IRS1: variants seen among roughly 807,000 people sequenced by gnomAD.
The protein encoded by IRS1 is insulin receptor substrate 1.
IRS1 carries 34 observed loss-of-function variants against 65.6 expected under a neutral mutation model. The observed-to-expected ratio is 0.52, with a 90% CI of 0.39 to 0.69. IRS1 has a LOEUF of 0.69. IRS1 is among the 30% of genes least tolerant of loss of function. The probability of loss-of-function intolerance (pLI) is 0.00; values close to 1 mark genes in which losing one functional copy is unlikely to be tolerated. For synonymous variants in IRS1, 699 were observed against 683.5 expected, an observed-to-expected ratio of 1.02 and a Z score of -0.35; for missense variants, 1,641 against 1,720.2, an observed-to-expected ratio of 0.95 and a Z score of 0.81.
Position 226,797,203 on chromosome 2 carries a change from G to C in IRS1, c.1536C>G (p.Ala512=). ...TSPALAGDEA[A]SAADLDNRFR... ...ACCGATTATCCAGATCTGCAGCACT[G>C]GCTGCTTCATCCCCAGCCAAGGCTG... The change falls in exon 1 of 2, where the codon GCC becomes GCG. Residue 512 remains alanine, a synonymous_variant. Transcript: ENST00000305123. This position sits in a 1 kb window ranked among gnomAD's most constrained non-coding sequence, Gnocchi z 8.1. 1 of 1,613,804 alleles carries C rather than the reference G, an allele frequency of 6.2e-7. No individual in the cohort carries two copies. Among genetic ancestry groups the C allele is most frequent in the Non-Finnish European group, 8.5e-7 (1 of 1,180,012 alleles).
intron 1 of IRS1, among the ~76,000 whole-genome samples, chr2:226,754,800 C>T (rs1396129424): frequency 2.0e-5 from 3 of 152,194 alleles, no homozygotes; most frequent in Non-Finnish European, 4.4e-5. Flanking sequence ...CAACATTTCA[C>T]TTAATAGGCA....
intron 1 of IRS1, among the ~76,000 whole-genome samples, chr2:226,791,085 C>A (rs542239167): frequency 6.6e-6 from 1 of 152,152 alleles, no homozygotes; most frequent in Non-Finnish European, 1.5e-5. Flanking sequence ...CAGGAGGATG[C>A]GTTTTCCCAG....
In IRS1 at chr2:226,796,021, A is replaced by T; in HGVS notation, c.2718T>A (p.Ser906=). The T allele has an allele frequency of 1.9e-6, 3 of 1,614,182 alleles. No homozygotes were observed. The highest frequency in any genetic ancestry group is 2.5e-6 in the Non-Finnish European group (3 of 1,180,048). The change falls in exon 1 of 2, where the codon TCT becomes TCA. Residue 906 remains serine (S), a synonymous_variant. Transcript: ENST00000305123. The part of the protein sequence containing the change: ...YVNIEFGSDQ[S]GYLSGPVAFH... Reference sequence around the variant, plus strand: ...AAGCCACCGGGCCAGACAAGTAGCCAGACTGATCACTCCCAAATTCAATAT... The same window carrying T: ...AAGCCACCGGGCCAGACAAGTAGCCTGACTGATCACTCCCAAATTCAATAT...
At chr2:226,788,427 A>G (rs1037641158) in intron 1 of IRS1, among the ~76,000 whole-genome samples, 1 of 152,198 alleles carries the variant, frequency 6.6e-6, no homozygotes, top group African/African-American at 2.4e-5. Context: ...TCTTTTTCAA[A>G]GCTCTATTAT....
Position 226,797,743 on chromosome 2 carries a change from G to C in IRS1, c.996C>G (p.Gly332=). The change falls in exon 1 of 2, where the codon GGC becomes GGG. Residue 332 remains glycine, a synonymous_variant. Coordinates refer to ENST00000305123, the MANE Select transcript of IRS1 (RefSeq NM_005544.3). This position sits in a 1 kb window ranked among gnomAD's most constrained non-coding sequence, Gnocchi z 8.1. ...GSFRVRASSD[G]EGTMSRPASV... Reference sequence around the variant, plus strand: ...AGGCTGGGCGGGACATGGTGCCTTCGCCGTCACTGGAGGCGCGGACACGGA... The same window carrying C: ...AGGCTGGGCGGGACATGGTGCCTTCCCCGTCACTGGAGGCGCGGACACGGA... The C allele has an allele frequency of 6.3e-7, 1 of 1,596,198 alleles. No homozygotes were observed.
intron 1 of IRS1, among the ~76,000 whole-genome samples, chr2:226,768,645 G>A (rs1939101900): frequency 6.6e-6 from 1 of 152,096 alleles, no homozygotes; most frequent in African/African-American, 2.4e-5. Flanking sequence ...GGTTCTGGCT[G>A]TTACTAAACC....
chr2:226,738,011 T>A (rs1938363849), intron 1 of IRS1, among the ~76,000 whole-genome samples: 1 of 152,092 alleles, frequency 6.6e-6, no homozygotes, highest in Admixed American at 6.5e-5. Context: ...CCCCAAGATA[T>A]CTAAGGAGGG....
chr2:226,758,482 T>A (rs1344218142), intron 1 of IRS1, among the ~76,000 whole-genome samples: 2 of 152,150 alleles, frequency 1.3e-5, no homozygotes, highest in Non-Finnish European at 2.9e-5. Context: ...CAATATACAG[T>A]TGAATATCAG....
At chr2:226,792,034 G>C (rs1939622370) in intron 1 of IRS1, 1 of 152,450 alleles carries the variant, frequency 6.6e-6, no homozygotes. Flanking sequence ...CAGGGCTGGG[G>C]AAAGGGGAGG....
At position 226,796,061 on chromosome 2, in the gene IRS1, G is replaced by C; in HGVS notation, c.2678C>G (p.Pro893Arg). 1 of 1,613,972 alleles carries C rather than the reference G, an allele frequency of 6.2e-7. No homozygotes were observed. The highest frequency in any genetic ancestry group is 1.1e-5 in the South Asian group (1 of 91,080). The change falls in exon 1 of 2, where the codon CCG (proline) becomes CGG (arginine). Residue 893 changes from proline to arginine, a missense_variant. Pro to Arg is a moderately radical substitution (Grantham distance 103). This residue lies in a region of IRS1 where 1,324 missense variants were observed against 1,361.0 expected (regional missense o/e 0.97). Coordinates refer to ENST00000305123, the MANE Select transcript of IRS1 (RefSeq NM_005544.3). Reference protein sequence around the residue: ...PLLHPPEPKSPGEYVNIEFGS... With the variant: ...PLLHPPEPKSRGEYVNIEFGS... ...AAATTCAATATTGACATATTCCCCC[G>C]GGCTCTTGGGCTCTGGAGGGTGCAG...
chr2:226,766,138 TA>T (rs1559151916), intron 1 of IRS1, among the ~76,000 whole-genome samples: 113 of 4,000 alleles, frequency 0.028, 9 homozygotes, highest in East Asian at 0.091. Flanking sequence ...TATATATATA[TA>T]TATATATATA....
Position 226,796,399 on chromosome 2 carries a change from C to T in IRS1, c.2340G>A (p.Pro780=), listed in dbSNP as rs151052373. 4.0e-3 allele frequency: 6,396 copies of T among 1,613,386 alleles called. 28 individuals carry two copies. The highest frequency in any genetic ancestry group is 4.8e-3 in the Non-Finnish European group (5,631 of 1,180,038). ...SFKHTQRPGE[P]EEGARHQHLR... ...GGTGCTGATGCCGGGCACCCTCCTC[C>T]GGCTCCCCGGGGCGCTGGGTGTGCT... The change falls in exon 1 of 2, where the codon CCG becomes CCA. Residue 780 remains proline (P), a synonymous_variant. Coordinates refer to ENST00000305123, the MANE Select transcript of IRS1 (RefSeq NM_005544.3).
At chr2:226,786,203 T>C (rs1397206320) in intron 1 of IRS1, among the ~76,000 whole-genome samples, 1 of 151,002 alleles carries the variant, frequency 6.6e-6, no homozygotes, top group Non-Finnish European at 1.5e-5. Context: ...GCAGTAAACA[T>C]ACGTGTGCGT....
At chr2:226,758,406 C>T (rs1024963751) in intron 1 of IRS1, among the ~76,000 whole-genome samples, 4 of 152,072 alleles carry the variant, frequency 2.6e-5, no homozygotes, top group Non-Finnish European at 4.4e-5. Context: ...AAGTGAAAAT[C>T]GAATACCTTT....
At chr2:226,766,133 A>T (rs1173256083) in intron 1 of IRS1, among the ~76,000 whole-genome samples, 2 of 3,068 alleles carry the variant, frequency 6.5e-4, no homozygotes, top group Non-Finnish European at 1.8e-3. Context: ...ATATATATAT[A>T]TATATATATA....
chr2:226,790,956 C>T (rs1224083183), intron 1 of IRS1, among the ~76,000 whole-genome samples: 1 of 152,148 alleles, frequency 6.6e-6, no homozygotes, highest in African/African-American at 2.4e-5. Flanking sequence ...TCTGAGAACG[C>T]CACAGCATTT....
chr2:226,795,787 G>C lies in IRS1; in HGVS notation c.2952C>G (p.Ser984Arg), dbSNP rs761036006. The change falls in exon 1 of 2, where the codon AGC (serine) becomes AGG (arginine). Residue 984 changes from serine to arginine, a missense_variant. Transcript: ENST00000305123. ...GCATGGTCATGTAGTCACCCCGGCT[G>C]CTGGGCACTGCCCGGGTAGGCCTGC... ...SICRPTRAVP[S>R]SRGDYMTMQM... 6.2e-7 allele frequency: 1 copy of C among 1,613,276 alleles called. No individual in the cohort carries two copies. Among genetic ancestry groups the C allele is most frequent in the South Asian group, 1.1e-5 (1 of 91,092 alleles).
intron 1 of IRS1, among the ~76,000 whole-genome samples, chr2:226,783,978 C>G (rs1050946625): frequency 6.6e-6 from 1 of 152,022 alleles, no homozygotes; most frequent in Non-Finnish European, 1.5e-5. Context: ...CAACTGACAG[C>G]CAGCATCATC....
intron 1 of IRS1, among the ~76,000 whole-genome samples, chr2:226,771,072 C>G (rs998914213): frequency 6.6e-6 from 1 of 152,054 alleles, no homozygotes; most frequent in African/African-American, 2.4e-5. Context: ...CTAGCTAGAT[C>G]CTGTCACTGT....
Sources: allele counts gnomAD v4.1 joint callset (sites outside exome capture counted in the v4.1 genomes callset), GRCh38; gene constraint gnomAD v4.1.1; regional missense constraint gnomAD v4.1.1; non-coding constraint Gnocchi (gnomAD v3.1); transcripts MANE v1.5; gene names NCBI Gene and HGNC (gene_info 2026-07-23, HGNC 2026-07-21).